Variants in HAS1 observed in about 807,000 individuals in gnomAD.
HAS1 encodes the protein HA synthase 1.
Under a neutral mutation model 35.0 loss-of-function variants are expected in HAS1, and 27 were observed. That is an observed-to-expected ratio of 0.77 (90% confidence interval 0.57 to 1.06). HAS1 has a LOEUF of 1.06. Among genes scored for constraint, HAS1 ranks in the 50% least tolerant of loss-of-function variants. The pLI is 0.00. For missense variants in HAS1, 940 were observed against 814.8 expected (o/e 1.15, Z -1.87); for synonymous variants, 409 against 371.2 (o/e 1.10, Z -1.17).
At chr19:51,715,478 A>G (rs561492411) in intron 4 of HAS1, among the ~76,000 whole-genome samples, 10 of 152,254 alleles carry the variant, frequency 6.6e-5, no homozygotes, top group African/African-American at 1.9e-4. Context: ...ATTTATCTCC[A>G]TAACACATAT....
intron 1 of HAS1, among the ~76,000 whole-genome samples, chr19:51,721,407 CAG>C: frequency 6.6e-6 from 1 of 152,238 alleles, no homozygotes; most frequent in Non-Finnish European, 1.5e-5. Context: ...AGCCCAGAAT[CAG>C]AGGAAAAAGT....
intron 4 of HAS1, among the ~76,000 whole-genome samples, chr19:51,715,225 A>G (rs2083578923): frequency 6.6e-6 from 1 of 151,986 alleles, no homozygotes; most frequent in East Asian, 1.9e-4. Context: ...TCCCATTACA[A>G]CGTGTCACTT....
In HAS1 at chr19:51,716,354, A is replaced by G. The variant is rs202108912; in HGVS notation, c.960T>C (p.Leu320=). The G allele has an allele frequency of 4.8e-5, 77 of 1,613,702 alleles. 1 individual carries two copies. In the Admixed American group the frequency reaches 1.2e-3, roughly 24 times the overall value. The change falls in exon 4 of 5, where the codon CTT becomes CTC. Residue 320 remains leucine (L), a synonymous_variant. Transcript: ENST00000540069. ...LYRNNLLQQF[L]EAWYNQKFLG... ...GGAACTTCTGGTTGTACCAGGCCTC[A>G]AGAAACTGCTGCAAGAGGTTATTCC...
Position 51,719,703 on chromosome 19 carries a change from C to T in HAS1, c.202G>A (p.Ala68Thr), listed in dbSNP as rs1568628308. The T allele has an allele frequency of 6.4e-7, 1 of 1,564,146 alleles. No homozygotes were observed. Among genetic ancestry groups the T allele is most frequent in the South Asian group, 1.2e-5 (1 of 85,548 alleles). Residue 68 changes from alanine (A) to threonine (T), a missense_variant, in exon 2 of 5, where the codon GCG (alanine) becomes ACG (threonine). Coordinates refer to ENST00000540069, the MANE Select transcript of HAS1 (RefSeq NM_001297436.2). ...TCCAGGTACGCGAAGAGGCTCTGCG[C>T]CACCAGGTGCGCTGAAAGGAAGGCC... ...YGAFLSAHLVAQSLFAYLEHR... is the reference protein window; with the variant it reads ...YGAFLSAHLVTQSLFAYLEHR...
In HAS1 at chr19:51,719,481, A is replaced by G. The variant is rs1472508608; in HGVS notation, c.424T>C (p.Tyr142His). The G allele has an allele frequency of 6.4e-7, 1 of 1,551,048 alleles. No individual in the cohort carries two copies. The highest frequency in any genetic ancestry group is 2.0e-5 in the Admixed American group (1 of 51,018). Residue 142 changes from tyrosine to histidine, a missense_variant, in exon 2 of 5, where the codon TAC (tyrosine) becomes CAC (histidine). Physicochemically the swap from Tyr to His is moderately conservative, Grantham distance 83. Coordinates refer to ENST00000540069, the MANE Select transcript of HAS1 (RefSeq NM_001297436.2). ...VVDGNRAEDL[Y>H]MVDMFREVFA... ...ACCTCGCGGAACATGTCGACCATGT[A>G]GAGGTCCTCGGCGCGGTTGCCATCC...
chr19:51,714,840 T>C (rs1234455493), intron 4 of HAS1, among the ~76,000 whole-genome samples: 1 of 152,190 alleles, frequency 6.6e-6, no homozygotes, highest in Non-Finnish European at 1.5e-5. Context: ...CTGTTACCAT[T>C]ACTATTGCTG....
chr19:51,716,361 T>C lies in HAS1; in HGVS notation c.953A>G (p.Gln318Arg). Residue 318 changes from glutamine (Q) to arginine (R), a missense_variant, in exon 4 of 5, where the codon CAG becomes CGG. Coordinates refer to ENST00000540069, the MANE Select transcript of HAS1 (RefSeq NM_001297436.2). ...CTGGTTGTACCAGGCCTCAAGAAAC[T>C]GCTGCAAGAGGTTATTCCTATATAG... ...LGLYRNNLLQQFLEAWYNQKF... is the reference protein window; with the variant it reads ...LGLYRNNLLQRFLEAWYNQKF... 1 of 1,613,782 alleles carries C rather than the reference T, an allele frequency of 6.2e-7. No homozygotes were observed. The highest frequency in any genetic ancestry group is 8.5e-7 in the Non-Finnish European group (1 of 1,179,834).
At position 51,719,879 on chromosome 19, in the gene HAS1, G is replaced by C; in HGVS notation, c.26C>G (p.Thr9Ser). The C allele has an allele frequency of 2.0e-6, 3 of 1,537,628 alleles. No individual in the cohort carries two copies. Among genetic ancestry groups the C allele is most frequent in the Non-Finnish European group, 2.6e-6 (3 of 1,146,776 alleles). The change falls in exon 2 of 5, where the codon ACT (threonine) becomes AGT (serine). Residue 9 changes from threonine to serine, a missense_variant. Coordinates refer to ENST00000540069, the MANE Select transcript of HAS1 (RefSeq NM_001297436.2). Reference protein sequence around the residue: MRQDAPKPTPAACRCSGLA... With the variant: MRQDAPKPSPAACRCSGLA... ...GCCGGAGCAGCGGCAGGCTGCAGGA[G>C]TGGGCTTGGGCGCGTCCTGCTGGGA...
At chr19:51,719,924 G>T (rs148624449) in intron 1 of HAS1, 29 bp from the exon 2 acceptor site, 2 of 1,460,310 alleles carry the variant, frequency 1.4e-6, no homozygotes, top group African/African-American at 1.4e-5. Context: ...GAAAGGAAGG[G>T]GCATGAGTCC....
Position 51,723,923 on chromosome 19 carries a change from A to ACACACC in HAS1, c.9+1_9+2insGGTGTG. 5.2e-6 allele frequency: 8 copies of ACACACC among 1,526,372 alleles called. No homozygotes were observed. Among genetic ancestry groups the ACACACC allele is most frequent in the Non-Finnish European group, 7.0e-6 (8 of 1,140,010 alleles). 94.6% of individuals were successfully genotyped at this position (1,526,372 alleles called of 1,614,324 possible). A position where few individuals can be genotyped will look rare whatever the true frequency, so the allele number is the denominator to read the frequency against. Reference sequence around the variant, plus strand: ...CACACACACACACACACACACACACACCTGTCTCATCGCAGTGGGTCTGGC... The same window carrying ACACACC: ...CACACACACACACACACACACACACACACACCCCTGTCTCATCGCAGTGGGTCTGGC... On this transcript the variant is annotated splice_donor_variant, in intron 1 of 4. Transcript: ENST00000540069. LOFTEE classifies it high-confidence loss of function.
At chr19:51,721,745 G>A (rs999347890) in intron 1 of HAS1, among the ~76,000 whole-genome samples, 20 of 152,114 alleles carry the variant, frequency 1.3e-4, no homozygotes, top group Non-Finnish European at 2.8e-4. Context: ...CAGCCTGGGT[G>A]ACAGTGCGAG....
At position 51,713,588 on chromosome 19, in the gene HAS1, T is replaced by G; in HGVS notation, c.1573A>C (p.Arg525=). The change falls in exon 5 of 5, where the codon AGG becomes CGG. Residue 525 remains arginine, a synonymous_variant. Transcript: ENST00000540069. The surrounding 1 kb of genome is among the most constrained non-coding windows in gnomAD (Gnocchi z 4.5). The part of the protein sequence containing the change: ...GLVRSVAHEA[R]ADWSGPSRAA... ...CGGGAAGGGCCGCTCCAGTCGGCCC[T>G]GGCCTCGTGTGCTACGCTGCGGACC... 2 of 1,558,816 alleles carry G rather than the reference T, an allele frequency of 1.3e-6. No homozygotes were observed. Among genetic ancestry groups the G allele is most frequent in the Non-Finnish European group, 1.7e-6 (2 of 1,151,542 alleles).
At chr19:51,715,698 A>C (rs2083581733) in intron 4 of HAS1, among the ~76,000 whole-genome samples, 1 of 152,148 alleles carries the variant, frequency 6.6e-6, no homozygotes, top group Non-Finnish European at 1.5e-5. Flanking sequence ...GCTTTGCAGA[A>C]ATCACTCTCC....
At position 51,723,957 on chromosome 19, in the gene HAS1, C is replaced by A; in HGVS notation, c.-24G>T. 6.5e-7 allele frequency: 1 copy of A among 1,539,082 alleles called. No individual in the cohort carries two copies. On this transcript the variant is annotated 5_prime_UTR_variant, in exon 1 of 5. Transcript: ENST00000540069. ...ATCGCAGTGGGTCTGGCCGGGCTCT[C>A]TCTTCTCTCCGGCTTGCTCTCCCAG... is the stretch of plus-strand genomic sequence containing the variant.
chr19:51,714,676 A>C (rs2083574021), intron 4 of HAS1, among the ~76,000 whole-genome samples: 2 of 119,390 alleles, frequency 1.7e-5, no homozygotes, highest in African/African-American at 3.1e-5. Flanking sequence ...GAGCCTGAGC[A>C]ACACAGCAAG....
chr19:51,716,930 C>T (rs764094758), intron 3 of HAS1, 38 bp downstream of exon 3: 36 of 1,397,620 alleles, frequency 2.6e-5, no homozygotes, highest in Non-Finnish European at 3.5e-5. Context: ...TCCCTTTCCA[C>T]CCCATCCACA....
chr19:51,717,432 GA>G (rs1357323431), intron 2 of HAS1, among the ~76,000 whole-genome samples: 1 of 152,146 alleles, frequency 6.6e-6, no homozygotes, highest in Non-Finnish European at 1.5e-5. Context: ...GTGTGAGTGA[GA>G]CCCCTAACTT....
intron 1 of HAS1, among the ~76,000 whole-genome samples, chr19:51,723,334 AAC>A (rs1462873106): frequency 1.3e-5 from 2 of 152,176 alleles, no homozygotes; most frequent in East Asian, 3.8e-4. Flanking sequence ...CGTGGCCACA[AAC>A]ACACAGAGCC....
At chr19:51,716,219 T>G in intron 4 of HAS1, 37 bp downstream of exon 4, 1 of 1,585,632 alleles carries the variant, frequency 6.3e-7, no homozygotes, top group Non-Finnish European at 8.6e-7. Context: ...TTCATTGGCC[T>G]CCACACATAC....
Sources: allele counts gnomAD v4.1 joint callset (sites outside exome capture counted in the v4.1 genomes callset), GRCh38; gene constraint gnomAD v4.1.1; non-coding constraint Gnocchi (gnomAD v3.1); transcripts MANE v1.5; gene names NCBI Gene and HGNC (gene_info 2026-07-23, HGNC 2026-07-21).